The following ANK3 variants were observed in gnomAD, a reference collection of about 807,000 sequenced individuals.
ANK3 encodes the protein ankyrin 3, also known as ankyrin-3.
In ANK3, 57 loss-of-function variants were observed where a neutral mutation model predicts 370.9. That is an observed-to-expected ratio of 0.15 (90% CI 0.12 to 0.19). ANK3 has a LOEUF of 0.19. ANK3 is among the 10% of genes least tolerant of loss of function. The pLI is 1.00. For synonymous variants in ANK3, 1,929 were observed against 1,946.3 expected (o/e 0.99, Z 0.23); for missense variants, 4,439 against 5,302.1 (o/e 0.84, Z 5.06).
At chr10:60,105,837 T>G in intron 28 of ANK3, 68 bp downstream of exon 28, 2 of 1,471,922 alleles carry the variant, frequency 1.4e-6, no homozygotes, top group Non-Finnish European at 1.8e-6. Context: ...TCCTGTTTCA[T>G]GTAATCTAGT....
At chr10:60,670,498 A>T (rs570694073) in intron 1 of ANK3, among the ~76,000 whole-genome samples, 1 of 151,998 alleles carries the variant, frequency 6.6e-6, no homozygotes, top group Non-Finnish European at 1.5e-5. Flanking sequence ...GCCTAGGCTC[A>T]TTATCTAACT....
At chr10:60,486,754 A>G (rs996805287) in intron 2 of ANK3, among the ~76,000 whole-genome samples, 1 of 152,216 alleles carries the variant, frequency 6.6e-6, no homozygotes, top group African/African-American at 2.4e-5. Flanking sequence ...AAGTTTAACA[A>G]TATATATTAA....
At chr10:60,483,079 T>C (rs1036781669) in intron 2 of ANK3, among the ~76,000 whole-genome samples, 2 of 152,148 alleles carry the variant, frequency 1.3e-5, no homozygotes, top group African/African-American at 2.4e-5. Context: ...CTTGTAACAA[T>C]TTATAAGGAG....
chr10:60,495,183 G>A (rs1181697179), intron 2 of ANK3, among the ~76,000 whole-genome samples: 1 of 146,910 alleles, frequency 6.8e-6, no homozygotes, highest in Non-Finnish European at 1.5e-5. Context: ...ATTTTAAGAA[G>A]CTTTTCTAAA....
chr10:60,102,117 T>C (rs1040100371), intron 28 of ANK3, among the ~76,000 whole-genome samples: 1 of 150,314 alleles, frequency 6.7e-6, no homozygotes, highest in Admixed American at 6.7e-5. Context: ...CTTTGTACGA[T>C]TTGGAAAAGG....
rs566149618 is a variant in ANK3, at chr10:60,290,203, AC to A, written c.115-10565del. On this transcript the variant is annotated intron_variant, in intron 1 of 43. Coordinates refer to ENST00000280772, the MANE Select transcript of ANK3 (RefSeq NM_020987.5). ...TATAATCTGCCGTCTGTCAGTAAAA[AC>A]CTTGGATCTTTAAGAGATTGATATT... 3.4e-4 allele frequency among the ~76,000 whole-genome samples: 52 copies of A among 152,182 alleles called. No homozygotes were observed. In the South Asian group the frequency reaches 9.6e-3, roughly 28 times the overall value.
intron 1 of ANK3, among the ~76,000 whole-genome samples, chr10:60,642,712 G>A (rs1329600367): frequency 1.3e-5 from 2 of 151,918 alleles, no homozygotes; most frequent in Admixed American, 6.6e-5. Flanking sequence ...ACACCAGCAT[G>A]GCACATGTAT....
At chr10:60,709,978 A>C (rs1425237866) in intron 1 of ANK3, among the ~76,000 whole-genome samples, 1 of 152,186 alleles carries the variant, frequency 6.6e-6, no homozygotes, top group Middle Eastern at 3.2e-3. Flanking sequence ...ACAGCTGTAG[A>C]CCTCAATCTA....
intron 2 of ANK3, among the ~76,000 whole-genome samples, chr10:60,573,835 G>A (rs1199964980): frequency 6.6e-6 from 1 of 152,194 alleles, no homozygotes; most frequent in Non-Finnish European, 1.5e-5. Flanking sequence ...AAGTGGGAAA[G>A]GGAGAAAGAA....
chr10:60,168,995 G>A (rs973760943), intron 21 of ANK3, among the ~76,000 whole-genome samples: 1 of 152,144 alleles, frequency 6.6e-6, no homozygotes, highest in Non-Finnish European at 1.5e-5. Flanking sequence ...GGATAGTGCT[G>A]CAATGAACAT....
chr10:60,570,025 T>C (rs925948827), intron 2 of ANK3, among the ~76,000 whole-genome samples: 1 of 152,176 alleles, frequency 6.6e-6, no homozygotes, highest in Non-Finnish European at 1.5e-5. Flanking sequence ...TATATATATG[T>C]ATACATATTT....
intron 1 of ANK3, among the ~76,000 whole-genome samples, chr10:60,345,977 A>G (rs948650728): frequency 3.9e-5 from 6 of 152,120 alleles, no homozygotes; most frequent in Admixed American, 6.6e-5. Flanking sequence ...AGTTTAATAT[A>G]TAATAGAGGT....
intron 2 of ANK3, among the ~76,000 whole-genome samples, chr10:60,445,012 T>A (rs2133020866): frequency 1.3e-5 from 2 of 152,326 alleles, no homozygotes; most frequent in South Asian, 4.1e-4. Context: ...ATTAGTGTTT[T>A]GAGAGAGAGT....
chr10:60,317,742 C>G (rs2047751513), intron 1 of ANK3, among the ~76,000 whole-genome samples: 1 of 134,874 alleles, frequency 7.4e-6, no homozygotes, highest in African/African-American at 2.8e-5. Flanking sequence ...GAGACGGAGT[C>G]TCGCTCTGTC....
intron 16 of ANK3, among the ~76,000 whole-genome samples, chr10:60,190,788 G>A (rs915734923): frequency 9.2e-5 from 14 of 152,084 alleles, no homozygotes; most frequent in African/African-American, 3.4e-4. Context: ...GCAATCCTAA[G>A]CAAAAAGAAC....
intron 2 of ANK3, among the ~76,000 whole-genome samples, chr10:60,477,530 C>T (rs948881190): frequency 5.4e-5 from 8 of 147,698 alleles, no homozygotes; most frequent in African/African-American, 1.7e-4. Flanking sequence ...CACACACACA[C>T]ACACACACAC....
chr10:60,296,942 C>T (rs1003343699), intron 1 of ANK3, among the ~76,000 whole-genome samples: 17 of 152,110 alleles, frequency 1.1e-4, no homozygotes, highest in African/African-American at 3.6e-4. Flanking sequence ...ATTGTGCTAC[C>T]GCACTCCAGC....
At chr10:60,650,610 C>T (rs7476720) in intron 1 of ANK3, among the ~76,000 whole-genome samples, 103,822 of 151,960 alleles carry the variant, frequency 0.68, 35,575 homozygotes, top group South Asian at 0.83. Flanking sequence ...TGTGAAAAAT[C>T]TGAAATTTTA....
At chr10:60,505,592 T>C (rs943756031) in intron 2 of ANK3, among the ~76,000 whole-genome samples, 18 of 152,088 alleles carry the variant, frequency 1.2e-4, no homozygotes, top group Admixed American at 9.2e-4. Context: ...AACCTTACAT[T>C]TACTGGCATT....
Sources: allele counts gnomAD v4.1 joint callset (sites outside exome capture counted in the v4.1 genomes callset), GRCh38; gene constraint gnomAD v4.1.1; transcripts MANE v1.5; gene names NCBI Gene and HGNC (gene_info 2026-07-23, HGNC 2026-07-21).